TTLL11: variants seen among roughly 807,000 people sequenced by gnomAD.
TTLL11 encodes tubulin tyrosine ligase like 11.
In TTLL11, 42 loss-of-function variants were observed where a neutral mutation model predicts 51.7. That is an observed-to-expected ratio of 0.81 (90% CI 0.64 to 1.05). TTLL11 has a LOEUF of 1.05. Ranked by LOEUF, TTLL11 falls within the 50% of genes least tolerant of loss-of-function variation. The pLI is 0.00. For missense variants in TTLL11, 799 were observed against 940.4 expected (o/e 0.85, Z 1.97); for synonymous variants, 381 against 383.5 (o/e 0.99, Z 0.08).
chr9:122,072,554 G>A (rs766193960), intron 1 of TTLL11, among the ~76,000 whole-genome samples: 7 of 152,286 alleles, frequency 4.6e-5, no homozygotes, highest in African/African-American at 1.7e-4. Flanking sequence ...TGAGGCAGGC[G>A]AATTGCTTGA....
chr9:121,934,677 A>G (rs971318581), intron 6 of TTLL11, among the ~76,000 whole-genome samples: 1 of 152,226 alleles, frequency 6.6e-6, no homozygotes, highest in African/African-American at 2.4e-5. Context: ...GTTTCAAGAC[A>G]AAAGGGGCTC....
intron 4 of TTLL11, among the ~76,000 whole-genome samples, chr9:121,986,862 T>C (rs1370733003): frequency 6.6e-6 from 1 of 151,898 alleles, no homozygotes; most frequent in Non-Finnish European, 1.5e-5. Context: ...CTGCTTGCCA[T>C]AGACTGGAAA....
intron 1 of TTLL11, among the ~76,000 whole-genome samples, chr9:122,059,364 AAACTCCT>A (rs1221536470): frequency 6.6e-6 from 1 of 152,190 alleles, no homozygotes; most frequent in Non-Finnish European, 1.5e-5. Context: ...AAGTTACTTA[AAACTCCT>A]AACAACCCTA....
At chr9:122,051,628 C>G (rs939930122) in intron 1 of TTLL11, among the ~76,000 whole-genome samples, 1 of 152,188 alleles carries the variant, frequency 6.6e-6, no homozygotes, top group Non-Finnish European at 1.5e-5. Context: ...TTCTCTCTCT[C>G]TTTCTCTCTC....
intron 4 of TTLL11, among the ~76,000 whole-genome samples, chr9:121,982,899 T>A (rs1842857269): frequency 6.6e-6 from 1 of 151,942 alleles, no homozygotes; most frequent in Non-Finnish European, 1.5e-5. Flanking sequence ...TTGTAGACCA[T>A]GAGAAGGAGC....
chr9:121,985,351 C>T (rs2131682253), intron 4 of TTLL11, among the ~76,000 whole-genome samples: 1 of 152,178 alleles, frequency 6.6e-6, no homozygotes, highest in Admixed American at 6.5e-5. Context: ...GTGACTTATA[C>T]AAGAATACAC....
At chr9:121,927,099 G>A (rs371722842) in intron 6 of TTLL11, among the ~76,000 whole-genome samples, 19 of 152,204 alleles carry the variant, frequency 1.2e-4, no homozygotes, top group Non-Finnish European at 2.5e-4. Flanking sequence ...GGGGCTGGCC[G>A]GTGGAGTTAG....
chr9:121,864,967 G>C (rs556934021), intron 7 of TTLL11, among the ~76,000 whole-genome samples: 1 of 151,916 alleles, frequency 6.6e-6, no homozygotes, highest in South Asian at 2.1e-4. Context: ...TTTTCTTCTG[G>C]AGAGGATTCT....
chr9:121,985,903 T>C (rs1282221481), intron 4 of TTLL11, among the ~76,000 whole-genome samples: 1 of 152,178 alleles, frequency 6.6e-6, no homozygotes, highest in African/African-American at 2.4e-5. Context: ...CCTTATACCC[T>C]GTCAAAGTGT....
intron 7 of TTLL11, among the ~76,000 whole-genome samples, chr9:121,869,945 T>C (rs1838299920): frequency 6.6e-6 from 1 of 152,250 alleles, no homozygotes; most frequent in Non-Finnish European, 1.5e-5. Context: ...GCAGCAAAGA[T>C]ATAATTTCTT....
intron 3 of TTLL11, among the ~76,000 whole-genome samples, chr9:122,019,092 C>T (rs1000985063): frequency 4.6e-4 from 70 of 152,212 alleles, no homozygotes; most frequent in Admixed American, 4.0e-3. Flanking sequence ...CTTCTTCACC[C>T]TCAATTCTAT....
At chr9:121,948,439 A>T (rs1841744326) in intron 6 of TTLL11, among the ~76,000 whole-genome samples, 1 of 152,210 alleles carries the variant, frequency 6.6e-6, no homozygotes, top group Non-Finnish European at 1.5e-5. Flanking sequence ...TATAGAAACG[A>T]TTTGTAGGTA....
intron 6 of TTLL11, among the ~76,000 whole-genome samples, chr9:121,971,018 T>TG (rs1344026677): frequency 7.4e-6 from 1 of 135,744 alleles, no homozygotes; most frequent in Non-Finnish European, 1.6e-5. Context: ...GGGAGGGAGG[T>TG]GGGGGGGTCA....
At chr9:121,949,727 C>T (rs1841792054) in intron 6 of TTLL11, among the ~76,000 whole-genome samples, 1 of 151,940 alleles carries the variant, frequency 6.6e-6, no homozygotes, top group East Asian at 1.9e-4. Context: ...TTTTAGAAAA[C>T]CTTGATTATG....
chr9:122,018,074 A>G (rs904383960), intron 3 of TTLL11, among the ~76,000 whole-genome samples: 1 of 150,048 alleles, frequency 6.7e-6, no homozygotes, highest in African/African-American at 2.5e-5. Flanking sequence ...AATGCATTGT[A>G]TTAAAACAAA....
At position 121,994,227 on chromosome 9, in the gene TTLL11, G is replaced by A. The variant is rs368825457; in HGVS notation, c.694-4457C>T. 1.2e-4 allele frequency among the ~76,000 whole-genome samples: 19 copies of A among 152,294 alleles called. No homozygotes were observed. The East Asian group carries it at 1.9e-3, about 15-fold the overall frequency. On this transcript the variant is annotated intron_variant, in intron 3 of 8. Transcript: ENST00000321582. The stretch of plus-strand genomic sequence containing the variant: ...ACCTGGGCAGATGATGTGCTGCTTC[G>A]GTGGGGGGTTATGAAGGCAGGAGCG...
At chr9:121,969,929 A>C (rs1251793563) in intron 6 of TTLL11, among the ~76,000 whole-genome samples, 2 of 152,228 alleles carry the variant, frequency 1.3e-5, no homozygotes, top group African/African-American at 2.4e-5. Context: ...CTGCATGGTA[A>C]GTTTATCAAA....
chr9:122,028,823 C>T (rs981514352), intron 3 of TTLL11, among the ~76,000 whole-genome samples: 4 of 152,178 alleles, frequency 2.6e-5, no homozygotes, highest in African/African-American at 9.7e-5. Flanking sequence ...ACAGAATATA[C>T]TCTCTGATGT....
rs149434448 is a variant in TTLL11, at chr9:121,899,432, C to G, written c.1482-28684G>C. Among the ~76,000 whole-genome samples, 1,103 of 148,780 alleles carry G rather than the reference C, an allele frequency of 7.4e-3. 12 individuals carry two copies. The highest frequency in any genetic ancestry group is 0.025 in the South Asian group (116 of 4,704). On this transcript the variant is annotated intron_variant, in intron 6 of 8. Transcript: ENST00000321582. ...ACACACACACATTTAGAGACAGAGT[C>G]TCAGTCTTTCACCCAAGCTGGAGTG...
Sources: gnomAD v4.1 joint callset for allele counts (sites outside exome capture counted in the v4.1 genomes callset) on GRCh38, gnomAD v4.1.1 for gene constraint, MANE v1.5 for transcripts, NCBI Gene and HGNC (gene_info 2026-07-23, HGNC 2026-07-21) for gene names.